The following PCCA variants were observed in gnomAD, a reference collection of about 807,000 sequenced individuals.
The protein encoded by PCCA is propionyl-CoA carboxylase subunit alpha.
A neutral mutation model predicts 101.3 loss-of-function variants in PCCA; 74 were observed. That is an observed-to-expected ratio of 0.73 (90% CI 0.61 to 0.89). PCCA has a LOEUF of 0.89. PCCA is among the 40% of genes least tolerant of loss of function. The probability of loss-of-function intolerance (pLI) is 0.00; values close to 1 mark genes in which losing one functional copy is unlikely to be tolerated. For synonymous variants in PCCA, 294 were observed against 313.6 expected (o/e 0.94, Z 0.66); for missense variants, 891 against 907.0 (o/e 0.98, Z 0.23).
chr13:100,289,341 G>C (rs1185799994), intron 12 of PCCA, among the ~76,000 whole-genome samples: 1 of 151,932 alleles, frequency 6.6e-6, no homozygotes, highest in Non-Finnish European at 1.5e-5. Flanking sequence ...TATAGATGGG[G>C]TCTCAACATA....
At chr13:100,120,721 T>G (rs1415641994) in intron 4 of PCCA, among the ~76,000 whole-genome samples, 2 of 152,280 alleles carry the variant, frequency 1.3e-5, no homozygotes, top group South Asian at 2.1e-4. Flanking sequence ...AGCCTCTTAT[T>G]AAGTCATGAA....
At chr13:100,424,712 A>C (rs2079032382) in intron 19 of PCCA, among the ~76,000 whole-genome samples, 1 of 152,174 alleles carries the variant, frequency 6.6e-6, no homozygotes. Flanking sequence ...GAAATAGTGA[A>C]GTCTCTGATA....
chr13:100,163,524 C>G (rs1172290213), intron 6 of PCCA, among the ~76,000 whole-genome samples: 1 of 152,156 alleles, frequency 6.6e-6, no homozygotes, highest in Non-Finnish European at 1.5e-5. Context: ...CTGATGGTCT[C>G]TATTTTTAAA....
Position 100,343,627 on chromosome 13 carries a change from G to C in PCCA, c.1643+3368G>C, listed in dbSNP as rs544148022. ...TGTCTGGGTCTGGGTATGGGAGCAA[G>C]ATTGACTGCACATGAGTTTTATTGT... On this transcript the variant is annotated intron_variant, in intron 18 of 23. Coordinates refer to ENST00000376285, the MANE Select transcript of PCCA (RefSeq NM_000282.4). Among the ~76,000 whole-genome samples, 97 of 152,352 alleles carry C rather than the reference G, an allele frequency of 6.4e-4. 1 individual carries two copies. Among genetic ancestry groups the C allele is most frequent in the African/African-American group, 2.1e-3 (89 of 41,584 alleles).
At chr13:100,146,358 C>T (rs1047618847) in intron 4 of PCCA, among the ~76,000 whole-genome samples, 4 of 151,682 alleles carry the variant, frequency 2.6e-5, no homozygotes, top group African/African-American at 9.7e-5. Context: ...AGACGGATCA[C>T]GGGGTCAGGA....
intron 5 of PCCA, among the ~76,000 whole-genome samples, chr13:100,156,985 G>A (rs968154331): frequency 6.6e-6 from 1 of 152,228 alleles, no homozygotes; most frequent in Non-Finnish European, 1.5e-5. Context: ...GTAGACAAAT[G>A]CCAGTGGGCA....
intron 6 of PCCA, among the ~76,000 whole-genome samples, chr13:100,194,921 T>G (rs1338949036): frequency 6.6e-6 from 1 of 152,170 alleles, no homozygotes; most frequent in Non-Finnish European, 1.5e-5. Flanking sequence ...CTTCATTTTT[T>G]TGCTTATACT....
chr13:100,425,692 A>G lies in PCCA; in HGVS notation c.1806A>G (p.Leu602=), dbSNP rs2152893970. 6.2e-7 allele frequency: 1 copy of G among 1,614,098 alleles called. No individual in the cohort carries two copies. Among genetic ancestry groups the G allele is most frequent in the East Asian group, 2.2e-5 (1 of 44,872 alleles). ...GCACGTGGAACCTGGCTTCGCCCTT[A>G]TTGTCTGTCAGCGTTGATGGCACTC... The part of the protein sequence containing the change: ...VTSTWNLASP[L]LSVSVDGTQR... Residue 602 remains leucine (L), a synonymous_variant, in exon 20 of 24, where the codon TTA becomes TTG. Coordinates refer to ENST00000376285, the MANE Select transcript of PCCA (RefSeq NM_000282.4).
chr13:100,171,883 T>C (rs2055695318), intron 6 of PCCA, among the ~76,000 whole-genome samples: 1 of 151,800 alleles, frequency 6.6e-6, no homozygotes, highest in African/African-American at 2.4e-5. Context: ...GTACAAAAAA[T>C]TAGCCGGGCG....
chr13:100,214,142 G>A (rs1396132033), intron 7 of PCCA, among the ~76,000 whole-genome samples: 4 of 152,130 alleles, frequency 2.6e-5, no homozygotes, highest in Non-Finnish European at 5.9e-5. Context: ...TTTAAGTCAA[G>A]TAGTGTGATT....
At chr13:100,347,416 C>G (rs182370134) in intron 18 of PCCA, among the ~76,000 whole-genome samples, 118 of 152,258 alleles carry the variant, frequency 7.7e-4, no homozygotes, top group Non-Finnish European at 1.5e-3. Context: ...TAGTTGGACT[C>G]TTACCTACAC....
intron 6 of PCCA, among the ~76,000 whole-genome samples, chr13:100,180,621 G>C (rs2056709365): frequency 6.6e-6 from 1 of 152,148 alleles, no homozygotes; most frequent in Non-Finnish European, 1.5e-5. Context: ...GTTTAAGGTG[G>C]CCACTCTCTT....
At chr13:100,365,444 G>T (rs1239334105) in intron 18 of PCCA, among the ~76,000 whole-genome samples, 1 of 152,192 alleles carries the variant, frequency 6.6e-6, no homozygotes, top group Non-Finnish European at 1.5e-5. Context: ...GTCAGGATCA[G>T]CAATGTTCCA....
chr13:100,484,081 C>T (rs2084169889), intron 21 of PCCA, among the ~76,000 whole-genome samples: 1 of 152,186 alleles, frequency 6.6e-6, no homozygotes. Flanking sequence ...GTTTCATGCA[C>T]TATAATATAA....
chr13:100,454,815 T>C (rs902621710), intron 21 of PCCA, among the ~76,000 whole-genome samples: 5 of 152,212 alleles, frequency 3.3e-5, no homozygotes, highest in Non-Finnish European at 4.4e-5. Flanking sequence ...ATTTCATTTT[T>C]TATTCACTCT....
At chr13:100,277,303 C>A (rs2063734180) in intron 12 of PCCA, among the ~76,000 whole-genome samples, 1 of 152,062 alleles carries the variant, frequency 6.6e-6, no homozygotes, top group South Asian at 2.1e-4. Context: ...TTGTTGATGC[C>A]ACCAAAAGTA....
In PCCA at chr13:100,469,308, C is replaced by CT. The variant is rs570456996; in HGVS notation, c.1899+20007dup. On this transcript the variant is annotated intron_variant, in intron 21 of 23. Transcript: ENST00000376285. ...CAGAGCTACCCAGGCAAAGCAGGTA[C>CT]TTTTGGCAAAGAGGAACAAAGGAAA... Among the ~76,000 whole-genome samples the CT allele has an allele frequency of 8.0e-4, 121 of 151,296 alleles. 1 individual carries two copies. The highest frequency in any genetic ancestry group is 9.2e-4 in the Admixed American group (14 of 15,196).
chr13:100,293,380 C>A (rs1038021945), intron 12 of PCCA: 15 of 275,182 alleles, frequency 5.5e-5, no homozygotes, highest in Non-Finnish European at 9.3e-5. Context: ...CTTGATTTTG[C>A]CCTTTGCCAT....
intron 8 of PCCA, among the ~76,000 whole-genome samples, chr13:100,254,003 A>T (rs548208707): frequency 1.3e-5 from 2 of 152,088 alleles, no homozygotes; most frequent in East Asian, 3.9e-4. Flanking sequence ...GTGTATAAAG[A>T]AAAAGAGGTT....
Sources: allele counts gnomAD v4.1 joint callset (sites outside exome capture counted in the v4.1 genomes callset), GRCh38; gene constraint gnomAD v4.1.1; transcripts MANE v1.5; gene names NCBI Gene and HGNC (gene_info 2026-07-23, HGNC 2026-07-21).